Variants in CDH4 observed in about 807,000 individuals in gnomAD.
The protein encoded by CDH4 is cadherin 4, also known as cadherin-4.
CDH4 carries 33 observed loss-of-function variants against 86.0 expected under a neutral mutation model. That is an observed-to-expected ratio of 0.38 (90% CI 0.29 to 0.51). The LOEUF (loss-of-function observed/expected upper bound fraction) is 0.51. Ranked by LOEUF, CDH4 falls within the 20% of genes least tolerant of loss-of-function variation. The pLI is 0.86. For missense variants in CDH4, 1,114 were observed against 1,307.4 expected (o/e 0.85, Z 2.28); for synonymous variants, 555 against 549.4 (o/e 1.01, Z -0.14).
intron 2 of CDH4, among the ~76,000 whole-genome samples, chr20:61,488,637 AAG>A (rs1351143755): frequency 6.6e-6 from 1 of 152,118 alleles, no homozygotes; most frequent in African/African-American, 2.4e-5. Context: ...GGAGAGACAA[AAG>A]AGAGAGAGAG....
chr20:61,768,846 T>A (rs2088735054), intron 3 of CDH4, among the ~76,000 whole-genome samples: 1 of 152,156 alleles, frequency 6.6e-6, no homozygotes, highest in African/African-American at 2.4e-5. Flanking sequence ...TAAACAACAC[T>A]AGGGAAATTA....
chr20:61,425,596 G>A (rs2085208749), intron 2 of CDH4, among the ~76,000 whole-genome samples: 1 of 152,270 alleles, frequency 6.6e-6, no homozygotes, highest in Admixed American at 6.5e-5. Context: ...ACATCCCGCA[G>A]GAGGGGCAGA....
At chr20:61,589,312 G>A (rs529103281) in intron 2 of CDH4, among the ~76,000 whole-genome samples, 6 of 152,206 alleles carry the variant, frequency 3.9e-5, no homozygotes, top group African/African-American at 7.2e-5. Flanking sequence ...ATGTTAAAAC[G>A]AAAAAGGTTC....
At chr20:61,336,040 T>A (rs914997540) in intron 2 of CDH4, among the ~76,000 whole-genome samples, 4 of 152,156 alleles carry the variant, frequency 2.6e-5, no homozygotes, top group Admixed American at 2.6e-4. Context: ...TTTGTCATTA[T>A]CCAGCTTGTT....
At chr20:61,765,270 G>T (rs1271407304) in intron 3 of CDH4, among the ~76,000 whole-genome samples, 2 of 152,290 alleles carry the variant, frequency 1.3e-5, no homozygotes, top group Admixed American at 6.5e-5. Flanking sequence ...TAAGTAAGAG[G>T]CGGGAGTGGT....
At position 61,853,200 on chromosome 20, in the gene CDH4, G is replaced by C. The variant is rs909538429; in HGVS notation, c.877+302G>C. The stretch of plus-strand genomic sequence containing the variant: ...GCGGTGGGCCTGGGCAGGCCCCTCT[G>C]TGCAGCTGGCGTGTGGGCTGGGAGC... On this transcript the variant is annotated intron_variant, in intron 6 of 15. Coordinates refer to ENST00000614565, the MANE Select transcript of CDH4 (RefSeq NM_001794.5). Among the ~76,000 whole-genome samples, 15 of 152,186 alleles carry C rather than the reference G, an allele frequency of 9.9e-5. 1 individual carries two copies. Among genetic ancestry groups the C allele is most frequent in the Non-Finnish European group, 2.2e-4 (15 of 68,038 alleles).
chr20:61,271,715 G>A (rs1351253853), intron 2 of CDH4, among the ~76,000 whole-genome samples: 1 of 152,194 alleles, frequency 6.6e-6, no homozygotes, highest in Admixed American at 6.5e-5. Context: ...CCTGGAGGTT[G>A]TGCCTTACCC....
chr20:61,853,551 TG>T (rs1273698927), intron 6 of CDH4, among the ~76,000 whole-genome samples: 1 of 152,104 alleles, frequency 6.6e-6, no homozygotes, highest in African/African-American at 2.4e-5. Flanking sequence ...GGGCCCTAGC[TG>T]AGCGTGTCAT....
chr20:61,289,184 G>A (rs2084308503), intron 2 of CDH4, among the ~76,000 whole-genome samples: 1 of 152,216 alleles, frequency 6.6e-6, no homozygotes, highest in Admixed American at 6.5e-5. Flanking sequence ...CCATTGCTTG[G>A]TGGGCCTTGT....
intron 2 of CDH4, among the ~76,000 whole-genome samples, chr20:61,285,631 C>T (rs985886296): frequency 3.3e-5 from 5 of 152,190 alleles, no homozygotes. Flanking sequence ...CATTATTAAC[C>T]ATTGATGGAT....
intron 2 of CDH4, among the ~76,000 whole-genome samples, chr20:61,465,191 C>A (rs1047913395): frequency 5.3e-5 from 8 of 152,232 alleles, no homozygotes; most frequent in Admixed American, 6.5e-5. Flanking sequence ...TGCCAGAGAA[C>A]TTGCTGGAGA....
rs991730298 is a variant in CDH4, at chr20:61,529,637, C to T, written c.170-213926C>T. Among the ~76,000 whole-genome samples, 7 of 152,304 alleles carry T rather than the reference C, an allele frequency of 4.6e-5. No individual in the cohort carries two copies. The East Asian group carries it at 1.2e-3, about 25-fold the overall frequency. ...TGGGAATTATGTCTGCTGTTTCATA[C>T]GTTTCTGTTGAAACATGGGGAGAGG... On this transcript the variant is annotated intron_variant, in intron 2 of 15. Coordinates refer to ENST00000614565, the MANE Select transcript of CDH4 (RefSeq NM_001794.5).
Position 61,472,188 on chromosome 20 carries a change from G to T in CDH4, c.169+217251G>T, listed in dbSNP as rs965672708. On this transcript the variant is annotated intron_variant, in intron 2 of 15. Transcript: ENST00000614565. ...GCTTTAGATATCTGGGTGATCCCTTGTTGGGCGCATATGTATTTATAATTG... is the reference window on the plus strand; with the variant it reads ...GCTTTAGATATCTGGGTGATCCCTTTTTGGGCGCATATGTATTTATAATTG... 3.3e-5 allele frequency among the ~76,000 whole-genome samples: 5 copies of T among 152,254 alleles called. No individual in the cohort carries two copies. In the East Asian group the frequency reaches 5.8e-4, roughly 18 times the overall value.
intron 2 of CDH4, among the ~76,000 whole-genome samples, chr20:61,302,221 G>A (rs567872824): frequency 6.6e-5 from 10 of 152,338 alleles, no homozygotes; most frequent in African/African-American, 2.2e-4. Context: ...GCCGGTTTCC[G>A]TGTGAGGGCC....
chr20:61,487,362 G>T (rs1441582133), intron 2 of CDH4, among the ~76,000 whole-genome samples: 1 of 152,108 alleles, frequency 6.6e-6, no homozygotes, highest in East Asian at 1.9e-4. Flanking sequence ...TGAAATTTGG[G>T]TCAGGATTAT....
chr20:61,593,558 A>C (rs1027187044), intron 2 of CDH4, among the ~76,000 whole-genome samples: 1 of 152,212 alleles, frequency 6.6e-6, no homozygotes, highest in African/African-American at 2.4e-5. Context: ...GGCGTGCAGC[A>C]GTGTCACATT....
chr20:61,899,111 A>C (rs1438938582), intron 8 of CDH4, among the ~76,000 whole-genome samples: 2 of 152,040 alleles, frequency 1.3e-5, no homozygotes, highest in African/African-American at 2.4e-5. Flanking sequence ...CCTGGCCAAG[A>C]TGTGAAACCC....
In CDH4 at chr20:61,807,297, G is replaced by A. The variant is rs956279054; in HGVS notation, c.576+34115G>A. 6.6e-6 allele frequency among the ~76,000 whole-genome samples: 1 copy of A among 152,204 alleles called. No individual in the cohort carries two copies. The highest frequency in any genetic ancestry group is 1.5e-5 in the Non-Finnish European group (1 of 68,030). ...ATGGAGCTGTATTCAGAACCACCAG[G>A]GCCAGACCCAGCCTTGCTGTGGCCC... On this transcript the variant is annotated intron_variant, in intron 4 of 15. Transcript: ENST00000614565. The surrounding 1 kb of genome is among the most constrained non-coding windows in gnomAD (Gnocchi z 4.5).
intron 2 of CDH4, among the ~76,000 whole-genome samples, chr20:61,586,038 G>A (rs1233859821): frequency 6.7e-6 from 1 of 150,176 alleles, no homozygotes; most frequent in African/African-American, 2.5e-5. Flanking sequence ...TGATGATGTG[G>A]TGATGAGGAG....
Sources: allele counts gnomAD v4.1 joint callset (sites outside exome capture counted in the v4.1 genomes callset), GRCh38; gene constraint gnomAD v4.1.1; non-coding constraint Gnocchi (gnomAD v3.1); transcripts MANE v1.5; gene names NCBI Gene and HGNC (gene_info 2026-07-23, HGNC 2026-07-21).